Variants in AUTS2 observed in about 807,000 individuals in gnomAD.
AUTS2 encodes activator of transcription and developmental regulator AUTS2, also known as autism susceptibility gene 2 protein.
A neutral mutation model predicts 112.4 loss-of-function variants in AUTS2; 17 were observed. The ratio of observed to expected loss-of-function variants is 0.15; its 90% confidence interval spans 0.10 to 0.23. The LOEUF is 0.23. Among genes scored for constraint, AUTS2 ranks in the 10% least tolerant of loss-of-function variants. The pLI is 1.00. For missense variants in AUTS2, 1,510 were observed against 1,701.6 expected (o/e 0.89, Z 1.98); for synonymous variants, 751 against 702.7 (o/e 1.07, Z -1.09).
At chr7:70,099,630 T>A (rs1315299201) in intron 2 of AUTS2, among the ~76,000 whole-genome samples, 2 of 152,106 alleles carry the variant, frequency 1.3e-5, no homozygotes, top group Admixed American at 6.5e-5. Flanking sequence ...TTGATTGAGC[T>A]CTGTGGCATT....
intron 4 of AUTS2, among the ~76,000 whole-genome samples, chr7:70,237,368 G>C (rs540588785): frequency 6.6e-6 from 1 of 152,200 alleles, no homozygotes; most frequent in East Asian, 1.9e-4. Flanking sequence ...ATTCATCTGT[G>C]GTAAACAAAC....
At position 69,740,060 on chromosome 7, in the gene AUTS2, G is replaced by C. The variant is rs556480128; in HGVS notation, c.309+140098G>C. On this transcript the variant is annotated intron_variant, in intron 1 of 18. Coordinates refer to ENST00000342771, the MANE Select transcript of AUTS2 (RefSeq NM_015570.4). Reference sequence around the variant, plus strand: ...ATGACGTAGGAACACAATCAGCAGAGGACATGTAGTTTACAGCAGCCTGTA... The same window carrying C: ...ATGACGTAGGAACACAATCAGCAGACGACATGTAGTTTACAGCAGCCTGTA... Among the ~76,000 whole-genome samples, 4 of 152,302 alleles carry C rather than the reference G, an allele frequency of 2.6e-5. No homozygotes were observed. In the South Asian group the frequency reaches 8.3e-4, roughly 32 times the overall value.
At chr7:70,649,415 G>C (rs1018153060) in intron 5 of AUTS2, among the ~76,000 whole-genome samples, 1 of 152,144 alleles carries the variant, frequency 6.6e-6, no homozygotes, top group Non-Finnish European at 1.5e-5. Flanking sequence ...AAAAAAGTAA[G>C]ATGAATAAAC....
chr7:70,467,325 AC>A (rs1434573576), intron 5 of AUTS2, among the ~76,000 whole-genome samples: 1 of 152,146 alleles, frequency 6.6e-6, no homozygotes, highest in African/African-American at 2.4e-5. Context: ...CTTAAAAAGC[AC>A]CCTCCACAAG....
intron 2 of AUTS2, among the ~76,000 whole-genome samples, chr7:70,069,773 C>A (rs1271002406): frequency 6.8e-6 from 1 of 147,076 alleles, no homozygotes; most frequent in African/African-American, 2.5e-5. Context: ...ATTTCAAATT[C>A]TAATTCATGA....
At position 70,574,139 on chromosome 7, in the gene AUTS2, C is replaced by T. The variant is rs368709149; in HGVS notation, c.691-124430C>T. ...CCCATAGCAGTTGGGGAATTACCAA[C>T]AAAGTCTTTACCATCTGACATTCCC... is the stretch of plus-strand genomic sequence containing the variant. On this transcript the variant is annotated intron_variant, in intron 5 of 18. Transcript: ENST00000342771. Among the ~76,000 whole-genome samples the T allele has an allele frequency of 3.4e-4, 51 of 152,146 alleles. 1 individual carries two copies. Among genetic ancestry groups the T allele is most frequent in the African/African-American group, 1.2e-3 (50 of 41,432 alleles).
intron 1 of AUTS2, among the ~76,000 whole-genome samples, chr7:69,724,835 TG>T (rs962009922): frequency 6.6e-6 from 1 of 152,200 alleles, no homozygotes. Context: ...AACAACTTTT[TG>T]GGGATCCATG....
At chr7:69,626,564 T>C (rs1294856516) in intron 1 of AUTS2, among the ~76,000 whole-genome samples, 3 of 152,150 alleles carry the variant, frequency 2.0e-5, no homozygotes, top group South Asian at 2.1e-4. Flanking sequence ...ACCTTGTGTT[T>C]TGGGCTCTTC....
At chr7:70,049,593 G>A (rs1801656940) in intron 2 of AUTS2, among the ~76,000 whole-genome samples, 2 of 152,128 alleles carry the variant, frequency 1.3e-5, no homozygotes, top group Admixed American at 1.3e-4. Flanking sequence ...GCCTCCCAAA[G>A]TGCTGGGATT....
At chr7:70,596,499 C>G (rs939060590) in intron 5 of AUTS2, 3 of 152,278 alleles carry the variant, frequency 2.0e-5, no homozygotes, top group Non-Finnish European at 2.9e-5. Context: ...TGAGAAGCAG[C>G]AGATGCCGAA....
At chr7:70,122,665 G>A (rs1805744686) in intron 3 of AUTS2, among the ~76,000 whole-genome samples, 1 of 152,006 alleles carries the variant, frequency 6.6e-6, no homozygotes, top group African/African-American at 2.4e-5. Flanking sequence ...CATATAGTAG[G>A]CGTATTGTTC....
chr7:70,605,380 C>T (rs1440279335), intron 5 of AUTS2, among the ~76,000 whole-genome samples: 2 of 152,210 alleles, frequency 1.3e-5, no homozygotes, highest in East Asian at 3.9e-4. Flanking sequence ...CTGACCAAGC[C>T]AGGAGGGACT....
rs186398541 is a variant in AUTS2, at chr7:70,439,405, A to G, written c.690+3624A>G. On this transcript the variant is annotated intron_variant, in intron 5 of 18. Coordinates refer to ENST00000342771, the MANE Select transcript of AUTS2 (RefSeq NM_015570.4). ...ATACAAAAAATTAGCCGGGCGTGGT[A>G]GCACGTGCCTGTAGTCGCAGCTACT... is the stretch of plus-strand genomic sequence containing the variant. Among the ~76,000 whole-genome samples the G allele has an allele frequency of 1.9e-4, 29 of 152,100 alleles. No individual in the cohort carries two copies. The East Asian group carries it at 5.2e-3, about 27-fold the overall frequency.
At position 70,790,124 on chromosome 7, in the gene AUTS2, G is replaced by A; in HGVS notation, c.2908G>A (p.Ala970Thr). The stretch of plus-strand genomic sequence containing the variant: ...GGCCGAGCCGCGCAAGGGTGAGCCG[G>A]CCTACGAGAACCCCAAGAAGAGCTC... ...REAEPRKGEP[A>T]YENPKKSSEV... Residue 970 changes from alanine to threonine, a missense_variant, in exon 19 of 19, where the codon GCC becomes ACC. Physicochemically the swap from Ala to Thr is moderately conservative, Grantham distance 58. Around this residue, in one of 3 missense-constraint regions of AUTS2, gnomAD observed 788 missense variants for 797.6 expected, o/e 0.99. Coordinates refer to ENST00000342771, the MANE Select transcript of AUTS2 (RefSeq NM_015570.4). The surrounding 1 kb of genome is among the most constrained non-coding windows in gnomAD (Gnocchi z 7.6). 1.9e-6 allele frequency: 3 copies of A among 1,603,078 alleles called. No individual in the cohort carries two copies. The highest frequency in any genetic ancestry group is 2.6e-6 in the Non-Finnish European group (3 of 1,175,898).
intron 2 of AUTS2, among the ~76,000 whole-genome samples, chr7:70,000,349 T>C (rs1457199652): frequency 6.6e-6 from 1 of 152,106 alleles, no homozygotes; most frequent in Admixed American, 6.6e-5. Flanking sequence ...TGTACTGTAA[T>C]CATATGTCTT....
intron 5 of AUTS2, among the ~76,000 whole-genome samples, chr7:70,447,068 C>T (rs1796347912): frequency 6.6e-6 from 1 of 152,174 alleles, no homozygotes. Context: ...AAGTCTCTGC[C>T]AAGCCTTGGG....
At chr7:70,727,415 TC>T (rs1389285418) in intron 6 of AUTS2, among the ~76,000 whole-genome samples, 1 of 152,106 alleles carries the variant, frequency 6.6e-6, no homozygotes, top group African/African-American at 2.4e-5. Context: ...AATGGTGCAG[TC>T]TTGGTTCACT....
intron 2 of AUTS2, among the ~76,000 whole-genome samples, chr7:70,079,277 T>A (rs1803187361): frequency 6.6e-6 from 1 of 152,138 alleles, no homozygotes; most frequent in Non-Finnish European, 1.5e-5. Context: ...AAGAACCAAT[T>A]AAGTTTTCAA....
At chr7:70,486,039 A>G (rs1003078088) in intron 5 of AUTS2, among the ~76,000 whole-genome samples, 1 of 152,104 alleles carries the variant, frequency 6.6e-6, no homozygotes, top group Non-Finnish European at 1.5e-5. Context: ...AAACCTAATG[A>G]AGCTGAGGGT....
Sources: gnomAD v4.1 joint callset for allele counts (sites outside exome capture counted in the v4.1 genomes callset) on GRCh38, gnomAD v4.1.1 for gene constraint, gnomAD v4.1.1 regional missense constraint, Gnocchi (gnomAD v3.1) non-coding constraint, MANE v1.5 for transcripts, NCBI Gene and HGNC (gene_info 2026-07-23, HGNC 2026-07-21) for gene names.